LRCH1: variants seen among roughly 807,000 people sequenced by gnomAD.
LRCH1 encodes leucine-rich repeat and calponin homology domain-containing protein 1.
A neutral mutation model predicts 94.9 loss-of-function variants in LRCH1; 23 were observed. The observed-to-expected ratio is 0.24, with a 90% CI of 0.17 to 0.34. The LOEUF (loss-of-function observed/expected upper bound fraction) is 0.34, where lower values mean the gene tolerates loss of function less well. Ranked by LOEUF, LRCH1 falls within the 10% of genes least tolerant of loss-of-function variation. The pLI is 1.00. For missense variants in LRCH1, 790 were observed against 945.9 expected, an observed-to-expected ratio of 0.84 and a Z score of 2.16; for synonymous variants, 364 against 354.9, an observed-to-expected ratio of 1.03 and a Z score of -0.29.
chr13:46,641,935 T>C (rs1370997438), intron 1 of LRCH1, among the ~76,000 whole-genome samples: 3 of 152,238 alleles, frequency 2.0e-5, no homozygotes, highest in Non-Finnish European at 4.4e-5. Flanking sequence ...TCGGCTTTCA[T>C]GTGAATGCTT....
intron 1 of LRCH1, among the ~76,000 whole-genome samples, chr13:46,612,463 G>A (rs961236491): frequency 6.6e-6 from 1 of 152,182 alleles, no homozygotes; most frequent in African/African-American, 2.4e-5. Flanking sequence ...GTGCCACCTT[G>A]CCTATTCTGT....
chr13:46,631,657 A>G (rs2051018854), intron 1 of LRCH1, among the ~76,000 whole-genome samples: 1 of 151,854 alleles, frequency 6.6e-6, no homozygotes, highest in Admixed American at 6.6e-5. Context: ...TGGTATAGGG[A>G]GTCATGTTTG....
chr13:46,592,914 T>C (rs565162383), intron 1 of LRCH1, among the ~76,000 whole-genome samples: 6 of 152,252 alleles, frequency 3.9e-5, no homozygotes, highest in African/African-American at 1.4e-4. Context: ...TTCTGTAAGT[T>C]TGTGAGGTTT....
rs67901139 is a variant in LRCH1, at chr13:46,659,163, G to GATTT, written c.452+8858_452+8861dup. ...TTTTTCTGATACTCCAAATACTTCA[G>GATTT]ATTTATTTATTTATTTATTTATTTA... On this transcript the variant is annotated intron_variant, in intron 2 of 19. Coordinates refer to ENST00000389797, the MANE Select transcript of LRCH1 (RefSeq NM_001164211.2). 8.4e-3 allele frequency among the ~76,000 whole-genome samples: 1,247 copies of GATTT among 149,084 alleles called. 9 individuals carry two copies. The highest frequency in any genetic ancestry group is 0.015 in the South Asian group (71 of 4,600).
chr13:46,666,798 T>G (rs9534460), intron 2 of LRCH1, among the ~76,000 whole-genome samples: 80,517 of 151,928 alleles, frequency 0.53, 22,080 homozygotes, highest in East Asian at 0.62. Context: ...TTTTGGAGCT[T>G]GAAAAAAGCC....
intron 13 of LRCH1, chr13:46,705,582 TGGCAA>T (rs1871717507): frequency 3.5e-6 from 2 of 574,290 alleles, no homozygotes; most frequent in African/African-American, 3.7e-5. Context: ...AGTCAAGCGA[TGGCAA>T]CTAAAATACA....
chr13:46,608,060 A>T (rs1169294589), intron 1 of LRCH1, among the ~76,000 whole-genome samples: 5 of 152,144 alleles, frequency 3.3e-5, no homozygotes, highest in Non-Finnish European at 7.4e-5. Context: ...CCTGTGGGGG[A>T]TGCACTTCGA....
At chr13:46,688,033 C>G in intron 6 of LRCH1, 54 bp downstream of exon 6, 1 of 1,521,872 alleles carries the variant, frequency 6.6e-7, no homozygotes, top group Non-Finnish European at 8.8e-7. Flanking sequence ...AGGCCAAGGC[C>G]CTCCAGGTAG....
intron 1 of LRCH1, among the ~76,000 whole-genome samples, chr13:46,580,903 G>A (rs1046937834): frequency 2.0e-5 from 3 of 152,198 alleles, no homozygotes; most frequent in African/African-American, 7.2e-5. Context: ...CACAAAGGCT[G>A]AGCTCTTGCC....
At chr13:46,658,548 C>T (rs73193009) in intron 2 of LRCH1, among the ~76,000 whole-genome samples, 9,350 of 152,256 alleles carry the variant, frequency 0.061, 402 homozygotes, top group East Asian at 0.22. Context: ...GGTGCAATTA[C>T]GGCTCACCAC....
At position 46,715,604 on chromosome 13, in the gene LRCH1, C is replaced by T; in HGVS notation, c.1699C>T (p.Gln567Ter). ...LPPISFNTLT[Q>*]AQTWDSSSYS... ...TCCTATCTCCTTCAACACACTTACACAGGCACAGACATGGGACAGCTCTAG... is the reference window on the plus strand; with the variant it reads ...TCCTATCTCCTTCAACACACTTACATAGGCACAGACATGGGACAGCTCTAG... The change falls in exon 16 of 20, where the codon CAG (glutamine) becomes TAG (stop). Residue 567 changes from glutamine to a stop codon, truncating the protein, a stop_gained. Transcript: ENST00000389797. LOFTEE classifies it high-confidence loss of function. 1.3e-6 allele frequency: 2 copies of T among 1,537,224 alleles called. No individual in the cohort carries two copies. The highest frequency in any genetic ancestry group is 1.7e-6 in the Non-Finnish European group (2 of 1,146,842).
rs1022922950 is a variant in LRCH1 at position 46,634,659 on chromosome 13, G to A, written c.308-15542G>A. 2.6e-5 allele frequency among the ~76,000 whole-genome samples: 4 copies of A among 152,350 alleles called. No individual in the cohort carries two copies. The South Asian group carries it at 6.2e-4, about 24-fold the overall frequency. ...TTGAGATATAACTATGCTGCTAAAT[G>A]TAAATCTAACTCTTCATACATTTTC... On this transcript the variant is annotated intron_variant, in intron 1 of 19. Coordinates refer to ENST00000389797, the MANE Select transcript of LRCH1 (RefSeq NM_001164211.2).
At position 46,594,223 on chromosome 13, in the gene LRCH1, A is replaced by T. The variant is rs1189854842; in HGVS notation, c.307+40520A>T. Among the ~76,000 whole-genome samples the T allele has an allele frequency of 2.0e-5, 3 of 149,734 alleles. No homozygotes were observed. The Admixed American group carries it at 2.0e-4, about 10-fold the overall frequency. On this transcript the variant is annotated intron_variant, in intron 1 of 19. Coordinates refer to ENST00000389797, the MANE Select transcript of LRCH1 (RefSeq NM_001164211.2). ...CCCATGTTCTTACTGTTTTGCCTGG[A>T]CTCCTCTTTTAATCTCAGTGAAAAA...
At chr13:46,606,359 T>G (rs111862125) in intron 1 of LRCH1, among the ~76,000 whole-genome samples, 9 of 152,304 alleles carry the variant, frequency 5.9e-5, no homozygotes, top group African/African-American at 2.2e-4. Flanking sequence ...TTAGTTACAT[T>G]AACACTCCCA....
At chr13:46,670,226 A>G (rs1237830655) in intron 3 of LRCH1, among the ~76,000 whole-genome samples, 1 of 152,236 alleles carries the variant, frequency 6.6e-6, no homozygotes, top group Non-Finnish European at 1.5e-5. Context: ...ATTTGATAGC[A>G]TTGTCCAAAA....
At chr13:46,736,873 AAATTTTTTGTCCTATGT>A (rs1222126704) in intron 19 of LRCH1, among the ~76,000 whole-genome samples, 3 of 152,218 alleles carry the variant, frequency 2.0e-5, no homozygotes, top group Non-Finnish European at 4.4e-5. Flanking sequence ...CTTAAGCCTA[AAATTTTTTGTCCTATGT>A]AATAGAATCA....
chr13:46,579,144 CT>C (rs2050337153), intron 1 of LRCH1, among the ~76,000 whole-genome samples: 1 of 152,184 alleles, frequency 6.6e-6, no homozygotes, highest in East Asian at 1.9e-4. Context: ...AGGAATGCTT[CT>C]TTTGGAACCC....
At chr13:46,715,266 C>T (rs1872263913) in intron 15 of LRCH1, among the ~76,000 whole-genome samples, 1 of 152,098 alleles carries the variant, frequency 6.6e-6, no homozygotes, top group Non-Finnish European at 1.5e-5. Flanking sequence ...TGACCTGATT[C>T]ATTAGTACTC....
At chr13:46,747,913 A>T (rs984607264), downstream of LRCH1, among the ~76,000 whole-genome samples, 2 of 151,862 alleles carry the variant, frequency 1.3e-5, no homozygotes, top group Non-Finnish European at 2.9e-5. Flanking sequence ...AATTTTCTTT[A>T]ATTTTTTTGG....
Sources: gnomAD v4.1 joint callset for allele counts (sites outside exome capture counted in the v4.1 genomes callset) on GRCh38, gnomAD v4.1.1 for gene constraint, MANE v1.5 for transcripts, NCBI Gene and HGNC (gene_info 2026-07-23, HGNC 2026-07-21) for gene names.